The following ATRNL1 variants were observed in gnomAD, a reference collection of about 807,000 sequenced individuals.
The protein encoded by ATRNL1 is attractin-like protein 1.
ATRNL1 carries 95 observed loss-of-function variants against 182.7 expected under a neutral mutation model. The observed-to-expected ratio is 0.52, with a 90% CI of 0.44 to 0.62. The LOEUF is 0.62. Ranked by LOEUF, ATRNL1 falls within the 20% of genes least tolerant of loss-of-function variation. The pLI is 0.00. For synonymous variants in ATRNL1, 576 were observed against 568.3 expected (o/e 1.01, Z -0.19); for missense variants, 1,471 against 1,679.5 (o/e 0.88, Z 2.17).
At chr10:115,914,168 C>A (rs1952773587) in intron 28 of ATRNL1, among the ~76,000 whole-genome samples, 1 of 152,178 alleles carries the variant, frequency 6.6e-6, no homozygotes, top group African/African-American at 2.4e-5. Flanking sequence ...GTGTTTGCTT[C>A]CCCTTCCACC....
intron 28 of ATRNL1, among the ~76,000 whole-genome samples, chr10:115,914,183 T>C (rs541641682): frequency 1.2e-4 from 19 of 152,320 alleles, no homozygotes; most frequent in Admixed American, 1.0e-3. Context: ...TCCACCATGA[T>C]TGTAAGTTTC....
At chr10:115,905,544 A>T (rs1952478490) in intron 28 of ATRNL1, among the ~76,000 whole-genome samples, 1 of 152,130 alleles carries the variant, frequency 6.6e-6, no homozygotes, top group Admixed American at 6.6e-5. Flanking sequence ...TTAGTCTTCC[A>T]ACAATTCCAG....
chr10:115,700,996 G>A (rs548450307), intron 26 of ATRNL1, among the ~76,000 whole-genome samples: 1 of 152,142 alleles, frequency 6.6e-6, no homozygotes, highest in South Asian at 2.1e-4. Context: ...GTTAACCACA[G>A]AATATACATT....
intron 14 of ATRNL1, among the ~76,000 whole-genome samples, chr10:115,285,722 T>A (rs1031143605): frequency 2.6e-5 from 4 of 152,060 alleles, no homozygotes; most frequent in Non-Finnish European, 2.9e-5. Flanking sequence ...TACCCATGCT[T>A]ATGAAAGAAT....
chr10:115,382,893 C>T (rs1554951608), intron 19 of ATRNL1, among the ~76,000 whole-genome samples: 1 of 151,672 alleles, frequency 6.6e-6, no homozygotes, highest in Non-Finnish European at 1.5e-5. Flanking sequence ...TATTTGTGCA[C>T]CCTTGTCAAG....
intron 3 of ATRNL1, among the ~76,000 whole-genome samples, chr10:115,122,239 A>G (rs1273398854): frequency 6.6e-6 from 1 of 151,820 alleles, no homozygotes; most frequent in African/African-American, 2.4e-5. Flanking sequence ...TGCTTTGTGC[A>G]ATGATTAATA....
intron 15 of ATRNL1, among the ~76,000 whole-genome samples, chr10:115,289,467 C>A (rs1010416543): frequency 6.6e-6 from 1 of 151,988 alleles, no homozygotes; most frequent in Non-Finnish European, 1.5e-5. Context: ...TAAACCCATT[C>A]CTGAAGTTTT....
In ATRNL1 at chr10:115,136,091, TG is replaced by T. The variant is rs368654721; in HGVS notation, c.829+6559del. Reference sequence around the variant, plus strand: ...GTTGCTCAGACTGGTCTCAAACTCCTGGGCTCCAGTGATCCTCCCACCTTGG... The same window carrying T: ...GTTGCTCAGACTGGTCTCAAACTCCTGGCTCCAGTGATCCTCCCACCTTGG... On this transcript the variant is annotated intron_variant, in intron 5 of 28. Coordinates refer to ENST00000355044, the MANE Select transcript of ATRNL1 (RefSeq NM_207303.4). Among the ~76,000 whole-genome samples the T allele has an allele frequency of 3.6e-3, 541 of 152,092 alleles. 2 individuals carry two copies. The highest frequency in any genetic ancestry group is 0.013 in the African/African-American group (522 of 41,474).
At chr10:115,295,211 T>C (rs1554922149) in intron 15 of ATRNL1, among the ~76,000 whole-genome samples, 1 of 152,114 alleles carries the variant, frequency 6.6e-6, no homozygotes, top group African/African-American at 2.4e-5. Flanking sequence ...TGAAGGCTGC[T>C]TGGCTGTCCT....
chr10:115,444,130 A>G (rs1846839768), intron 21 of ATRNL1, among the ~76,000 whole-genome samples: 1 of 152,142 alleles, frequency 6.6e-6, no homozygotes. Flanking sequence ...TATTTTACAG[A>G]TGATATAATT....
At chr10:115,356,382 C>T (rs1301411572) in intron 19 of ATRNL1, among the ~76,000 whole-genome samples, 1 of 152,004 alleles carries the variant, frequency 6.6e-6, no homozygotes, top group African/African-American at 2.4e-5. Flanking sequence ...TCAGTACATA[C>T]TACGTTCTGT....
At chr10:115,495,551 A>G (rs1033625891) in intron 24 of ATRNL1, among the ~76,000 whole-genome samples, 1 of 152,064 alleles carries the variant, frequency 6.6e-6, no homozygotes, top group African/African-American at 2.4e-5. Flanking sequence ...GAATTTTCTG[A>G]TTTCTGACTT....
chr10:115,136,528 A>T (rs1280508188), intron 5 of ATRNL1, among the ~76,000 whole-genome samples: 1 of 152,216 alleles, frequency 6.6e-6, no homozygotes, highest in Non-Finnish European at 1.5e-5. Context: ...GTATCATTAC[A>T]TGTATCCACC....
intron 21 of ATRNL1, among the ~76,000 whole-genome samples, chr10:115,439,357 A>G (rs1483035009): frequency 6.6e-6 from 1 of 151,934 alleles, no homozygotes; most frequent in Admixed American, 6.6e-5. Flanking sequence ...CATGTGAAAA[A>G]CATGTTGAAG....
In ATRNL1 at chr10:115,704,013, C is replaced by T. The variant is rs112395074; in HGVS notation, c.3796-23235C>T. Among the ~76,000 whole-genome samples, 629 of 152,028 alleles carry T rather than the reference C, an allele frequency of 4.1e-3. 4 individuals carry two copies. Among genetic ancestry groups the T allele is most frequent in the African/African-American group, 0.015 (614 of 41,522 alleles). ...AAATGAAATAGAATCCCAATTTGCA[C>T]ATGCACAAAAATGAATCCCAGATTT... On this transcript the variant is annotated intron_variant, in intron 26 of 28. Coordinates refer to ENST00000355044, the MANE Select transcript of ATRNL1 (RefSeq NM_207303.4).
intron 26 of ATRNL1, among the ~76,000 whole-genome samples, chr10:115,594,573 C>T (rs782524483): frequency 6.6e-6 from 1 of 152,190 alleles, no homozygotes; most frequent in Non-Finnish European, 1.5e-5. Flanking sequence ...GTGGCGCGAT[C>T]GTGGCTCACC....
At chr10:115,557,760 C>T (rs187891574) in intron 26 of ATRNL1, among the ~76,000 whole-genome samples, 210 of 152,218 alleles carry the variant, frequency 1.4e-3, no homozygotes, top group African/African-American at 4.6e-3. Flanking sequence ...AAAAAACAAA[C>T]AACCGACTGG....
At position 115,301,949 on chromosome 10, in the gene ATRNL1, G is replaced by A. The variant is rs377555050; in HGVS notation, c.2724G>A (p.Trp908Ter). 3 of 1,614,098 alleles carry A rather than the reference G, an allele frequency of 1.9e-6. No homozygotes were observed. The highest frequency in any genetic ancestry group is 2.5e-6 in the Non-Finnish European group (3 of 1,179,960). ...CAAGCAATGGCATGGAGTGTATGTG[G>A]TGCAGCAGTACGAAACGATGTGTTG... Reference protein sequence around the residue: ...NCTSNGMECMWCSSTKRCVDS... With the variant: ...NCTSNGMECM The change falls in exon 17 of 29, where the codon TGG becomes TGA. Residue 908 changes from tryptophan to a stop codon, truncating the protein, a stop_gained. Coordinates refer to ENST00000355044, the MANE Select transcript of ATRNL1 (RefSeq NM_207303.4). LOFTEE classifies it high-confidence loss of function.
intron 18 of ATRNL1, among the ~76,000 whole-genome samples, chr10:115,323,380 C>G (rs1183548984): frequency 6.7e-6 from 1 of 150,336 alleles, no homozygotes; most frequent in Admixed American, 6.6e-5. Context: ...TCATCATACC[C>G]TTCTTCTTCA....
Sources: allele counts gnomAD v4.1 joint callset (sites outside exome capture counted in the v4.1 genomes callset), GRCh38; gene constraint gnomAD v4.1.1; transcripts MANE v1.5; gene names NCBI Gene and HGNC (gene_info 2026-07-23, HGNC 2026-07-21).